The following DSG2 variants were observed in gnomAD, a reference collection of about 807,000 sequenced individuals.
The protein encoded by DSG2 is desmoglein 2.
Under a neutral mutation model 75.6 loss-of-function variants are expected in DSG2, and 45 were observed. The ratio of observed to expected loss-of-function variants is 0.60; its 90% confidence interval spans 0.47 to 0.76. The LOEUF (loss-of-function observed/expected upper bound fraction) is 0.76, where lower values mean the gene tolerates loss of function less well. Among genes scored for constraint, DSG2 ranks in the 30% least tolerant of loss-of-function variants. The pLI is 0.00. For missense variants in DSG2, 1,267 were observed against 1,357.4 expected (o/e 0.93, Z 1.05); for synonymous variants, 429 against 483.9 (o/e 0.89, Z 1.49).
intron 1 of DSG2, among the ~76,000 whole-genome samples, chr18:31,512,221 A>ATC (rs1166424846): frequency 6.6e-6 from 1 of 151,684 alleles, no homozygotes; most frequent in Non-Finnish European, 1.5e-5. Context: ...AGCTTACCCC[A>ATC]TCCCTCTCCC....
intron 1 of DSG2, among the ~76,000 whole-genome samples, chr18:31,503,494 T>A (rs1053061870): frequency 6.6e-6 from 1 of 152,074 alleles, no homozygotes; most frequent in Non-Finnish European, 1.5e-5. Flanking sequence ...GGCAGAAGAA[T>A]GTATAGGAAG....
rs780415786 is a variant in DSG2, at chr18:31,546,415, A to T, written c.3029A>T (p.Asp1010Val). ...NPLEGTQHLQ[D>V]VPYVMVRERE... ...CTGGAAGGCACTCAGCATCTTCAAG[A>T]TGTACCTTACGTCATGGTGAGGGAA... The change falls in exon 15 of 15, where the codon GAT becomes GTT. Residue 1010 changes from aspartate (D) to valine (V), a missense_variant. By Grantham distance (152) the Asp-to-Val change is radical. Coordinates refer to ENST00000261590, the MANE Select transcript of DSG2 (RefSeq NM_001943.5). 1 of 1,614,164 alleles carries T rather than the reference A, an allele frequency of 6.2e-7. No individual in the cohort carries two copies. Among genetic ancestry groups the T allele is most frequent in the Non-Finnish European group, 8.5e-7 (1 of 1,180,020 alleles).
intron 1 of DSG2, among the ~76,000 whole-genome samples, chr18:31,500,716 C>A (rs962880318): frequency 6.6e-6 from 1 of 152,104 alleles, no homozygotes; most frequent in Non-Finnish European, 1.5e-5. Flanking sequence ...AGCTGTGTCA[C>A]CCACATAGCT....
intron 1 of DSG2, among the ~76,000 whole-genome samples, chr18:31,503,098 A>T (rs2073022272): frequency 6.6e-6 from 1 of 152,134 alleles, no homozygotes; most frequent in Non-Finnish European, 1.5e-5. Flanking sequence ...AAGAAACCAG[A>T]CACATGACCC....
intron 1 of DSG2, among the ~76,000 whole-genome samples, chr18:31,511,401 G>T (rs2073066119): frequency 6.6e-6 from 1 of 152,184 alleles, no homozygotes; most frequent in South Asian, 2.1e-4. Context: ...GCGGGGCAGG[G>T]CAAAACTGCC....
rs565485041 is a variant in DSG2, at chr18:31,500,851, A to G, written c.45+2555A>G. 3.9e-5 allele frequency among the ~76,000 whole-genome samples: 6 copies of G among 152,336 alleles called. No individual in the cohort carries two copies. The South Asian group carries it at 1.2e-3, about 32-fold the overall frequency. On this transcript the variant is annotated intron_variant, in intron 1 of 14. Coordinates refer to ENST00000261590, the MANE Select transcript of DSG2 (RefSeq NM_001943.5). The stretch of plus-strand genomic sequence containing the variant: ...CAACTCCCAAATGGTTCACAGATAG[A>G]ATTCAAAGAGTTCCTAGAGATGGCA...
At chr18:31,498,440 G>A (rs533626113) in intron 1 of DSG2, 144 bp downstream of exon 1, 1 of 911,122 alleles carries the variant, frequency 1.1e-6, no homozygotes, top group South Asian at 5.6e-5. Flanking sequence ...GGGGGAAAAG[G>A]GCCGGGCAGG....
chr18:31,515,196 G>A (rs1013107062), intron 1 of DSG2, among the ~76,000 whole-genome samples: 3 of 152,064 alleles, frequency 2.0e-5, no homozygotes, highest in Admixed American at 6.6e-5. Flanking sequence ...TCTGCCTCCC[G>A]GGTTCACGCC....
rs2144353569 is a variant in DSG2 at position 31,542,781 on chromosome 18, A to G, written c.2263A>G (p.Arg755Gly). The change falls in exon 14 of 15, where the codon AGA (arginine) becomes GGA (glycine). Residue 755 changes from arginine to glycine, a missense_variant. Coordinates refer to ENST00000261590, the MANE Select transcript of DSG2 (RefSeq NM_001943.5). The stretch of plus-strand genomic sequence containing the variant: ...GACCGCAAGGGCCACAGGGGCTTCC[A>G]GAGACATGGCCGGAGCTCAGGCAGC... ...TKTARATGAS[R>G]DMAGAQAAAV... The G allele has an allele frequency of 1.2e-5, 20 of 1,609,102 alleles. No homozygotes were observed. The highest frequency in any genetic ancestry group is 1.7e-5 in the Non-Finnish European group (20 of 1,177,316).
At chr18:31,533,953 T>C (rs1169647241) in intron 9 of DSG2, among the ~76,000 whole-genome samples, 1 of 152,070 alleles carries the variant, frequency 6.6e-6, no homozygotes, top group Non-Finnish European at 1.5e-5. Flanking sequence ...TTAAACTCAT[T>C]GGTATTCATT....
intron 14 of DSG2, 22 bp downstream of exon 14, chr18:31,542,874 T>C: frequency 1.6e-6 from 1 of 640,544 alleles, no homozygotes; most frequent in Non-Finnish European, 2.2e-6. Context: ...TTTTATGTAT[T>C]GGTGGTGGGG....
intron 1 of DSG2, among the ~76,000 whole-genome samples, chr18:31,515,974 AAAC>A (rs2073092082): frequency 1.3e-5 from 2 of 152,254 alleles, no homozygotes; most frequent in Admixed American, 1.3e-4. Flanking sequence ...GGGAAAAGGC[AAAC>A]AACTGAGAAA....
chr18:31,528,500 TCAGGAGTTTGAGAC>T (rs1568108067), intron 8 of DSG2, among the ~76,000 whole-genome samples: 1 of 151,974 alleles, frequency 6.6e-6, no homozygotes, highest in Non-Finnish European at 1.5e-5. Flanking sequence ...TCACCTGAGC[TCAGGAGTTTGAGAC>T]CAGCCTGGGC....
chr18:31,533,537 C>T (rs148479462), intron 9 of DSG2, among the ~76,000 whole-genome samples: 106 of 152,352 alleles, frequency 7.0e-4, no homozygotes, highest in Non-Finnish European at 1.2e-3. Context: ...AGCTATGCTA[C>T]TTGAATGATG....
At chr18:31,521,006 T>C (rs543116866) in intron 4 of DSG2, 42 bp downstream of exon 4, 5 of 1,609,432 alleles carry the variant, frequency 3.1e-6, no homozygotes, top group East Asian at 4.5e-5. Flanking sequence ...GTAGTTTTTC[T>C]GTCATAATAA....
intron 6 of DSG2, among the ~76,000 whole-genome samples, chr18:31,523,197 C>A (rs1037617413): frequency 2.5e-4 from 38 of 151,954 alleles, no homozygotes; most frequent in Admixed American, 2.1e-3. Context: ...GTCAGGAGAT[C>A]GAGACCATCC....
At chr18:31,505,505 A>G (rs1419126514) in intron 1 of DSG2, among the ~76,000 whole-genome samples, 5 of 152,206 alleles carry the variant, frequency 3.3e-5, no homozygotes, top group Non-Finnish European at 5.9e-5. Flanking sequence ...TTATCTATAA[A>G]CTAGCTAAAT....
At chr18:31,542,963 T>G (rs1022962607) in intron 14 of DSG2, 111 bp downstream of exon 14, 51 of 1,016,740 alleles carry the variant, frequency 5.0e-5, no homozygotes, top group Non-Finnish European at 6.4e-5. Flanking sequence ...CTTTGGGTTT[T>G]TTTTTTTTTT....
At chr18:31,529,946 T>TA (rs2144330928) in intron 8 of DSG2, among the ~76,000 whole-genome samples, 1 of 152,260 alleles carries the variant, frequency 6.6e-6, no homozygotes, top group African/African-American at 2.4e-5. Flanking sequence ...ATAGAATGAC[T>TA]GTCTATATCT....
Sources: gnomAD v4.1 joint callset for allele counts (sites outside exome capture counted in the v4.1 genomes callset) on GRCh38, gnomAD v4.1.1 for gene constraint, MANE v1.5 for transcripts, NCBI Gene and HGNC (gene_info 2026-07-23, HGNC 2026-07-21) for gene names.